ENDOV: variants seen among roughly 807,000 people sequenced by gnomAD.
ENDOV encodes endonuclease V, also known as hEndoV.
In ENDOV, 37 loss-of-function variants were observed where a neutral mutation model predicts 39.4. The ratio of observed to expected loss-of-function variants is 0.94; its 90% CI spans 0.72 to 1.23. The LOEUF (loss-of-function observed/expected upper bound fraction) is 1.23. Among genes scored for constraint, ENDOV ranks in the 50% most tolerant of loss-of-function variants. The pLI, the probability that ENDOV is intolerant of heterozygous loss-of-function variation, is 0.00. For synonymous variants in ENDOV, 186 were observed against 163.4 expected (o/e 1.14, Z -1.05); for missense variants, 441 against 375.7 (o/e 1.17, Z -1.44).
intron 1 of ENDOV, 107 bp from the exon 2 acceptor site, chr17:80,415,543 G>C (rs2080994512): frequency 7.2e-7 from 1 of 1,379,414 alleles, no homozygotes; most frequent in Non-Finnish European, 9.9e-7. Context: ...TTCCCTTGAA[G>C]CGGGAGAAGA....
intron 9 of ENDOV, 104 bp from the exon 10 acceptor site, chr17:80,436,029 A>T: frequency 1.5e-6 from 2 of 1,302,934 alleles, no homozygotes; most frequent in Non-Finnish European, 2.2e-6. Context: ...TGCTGAGATT[A>T]CAGGCGCGAG....
chr17:80,425,577 C>T lies in ENDOV; in HGVS notation c.671C>T (p.Thr224Ile), dbSNP rs1480728094. ...AGCCTGGAGGCCGCTGTGCGCCTGA[C>T]TTGCTGCTGCTGCAGGTTCCGGATC... ...RMSLEAAVRLTCCCCRFRIPE... is the reference protein window; with the variant it reads ...RMSLEAAVRLICCCCRFRIPE... Residue 224 changes from threonine to isoleucine, a missense_variant, in exon 7 of 10, where the codon ACT becomes ATT. Thr to Ile is a moderately conservative substitution (Grantham distance 89, BLOSUM62 -1). Coordinates refer to ENST00000518137, the MANE Select transcript of ENDOV (RefSeq NM_173627.5). 1 of 1,591,686 alleles carries T rather than the reference C, an allele frequency of 6.3e-7. No individual in the cohort carries two copies. The highest frequency in any genetic ancestry group is 1.1e-5 in the South Asian group (1 of 87,826).
At chr17:80,415,285 C>A (rs1419540639) in intron 1 of ENDOV, 35 bp downstream of exon 1, 1 of 1,610,174 alleles carries the variant, frequency 6.2e-7, no homozygotes, top group Non-Finnish European at 8.5e-7. Flanking sequence ...GAGGCGGGGG[C>A]CGAGGCCGGG....
chr17:80,427,752 G>A lies in ENDOV; in HGVS notation c.715-844G>A, dbSNP rs184813764. 5.0e-5 allele frequency: 65 copies of A among 1,289,318 alleles called. No homozygotes were observed. The Middle Eastern group carries it at 1.3e-3, about 25-fold the overall frequency. The allele number at this position is 1,289,318 out of a possible 1,614,324, so 79.9% of individuals were successfully genotyped here. A position where few individuals can be genotyped will look rare whatever the true frequency, so the allele number is the denominator to read the frequency against. ...TCTGCTCTCTCCCTGGCTCCGCGCC[G>A]GGCCGTCTTGGTGGCCCCATGGTCA... On this transcript the variant is annotated intron_variant, in intron 7 of 9. Coordinates refer to ENST00000518137, the MANE Select transcript of ENDOV (RefSeq NM_173627.5).
At chr17:80,423,994 CCT>C (rs984367781) in intron 5 of ENDOV, 33 of 357,654 alleles carry the variant, frequency 9.2e-5, no homozygotes, top group Non-Finnish European at 1.5e-4. Context: ...TGCCCCAGCC[CCT>C]GTCTCCTCCC....
intron 6 of ENDOV, 164 bp from the exon 7 acceptor site, chr17:80,425,328 G>C: frequency 9.1e-7 from 1 of 1,098,252 alleles, no homozygotes; most frequent in Non-Finnish European, 1.3e-6. Flanking sequence ...CAAGCAGCAG[G>C]AAGGCGCCCT....
rs202151662 is a variant in ENDOV at position 80,415,220 on chromosome 17, C to T, written c.26C>T (p.Pro9Leu). Residue 9 changes from proline (P) to leucine (L), a missense_variant, in exon 1 of 10, where the codon CCG becomes CTG. Physicochemically the swap from Pro to Leu is moderately conservative, Grantham distance 98 (BLOSUM62 -3). Transcript: ENST00000518137. MALEAAGG[P>L]PEETLSLWKR... is the part of the protein sequence containing the mutation. ...ATGGCCCTGGAGGCGGCGGGAGGGC[C>T]GCCGGAGGAAACGCTGTCACTGTGG... is the stretch of plus-strand genomic sequence containing the variant. 9.7e-5 allele frequency: 156 copies of T among 1,613,378 alleles called. 2 individuals carry two copies. In the African/African-American group the frequency reaches 1.6e-3, roughly 16 times the overall value.
In ENDOV at chr17:80,423,474, G is replaced by T. The variant is rs140843516; in HGVS notation, c.404-46G>T. 1,473 of 1,449,940 alleles carry T rather than the reference G, an allele frequency of 1.0e-3. 20 individuals carry two copies. The African/African-American group carries it at 0.019, about 18-fold the overall frequency. The allele number at this position is 1,449,940 out of a possible 1,614,324, so 89.8% of individuals were successfully genotyped here. Reference sequence around the variant, plus strand: ...GGCTTGTCCTGAATCCCTGTGCCAGGCCCCAGCCCCACCTCCCCAACCCCA... The same window carrying T: ...GGCTTGTCCTGAATCCCTGTGCCAGTCCCCAGCCCCACCTCCCCAACCCCA... On this transcript the variant is annotated intron_variant, in intron 4 of 9. Coordinates refer to ENST00000518137, the MANE Select transcript of ENDOV (RefSeq NM_173627.5).
Position 80,436,392 on chromosome 17 carries a change from T to C in ENDOV, c.*249T>C. ...GTTTGCAGTCTTTCACCACTAGATG[T>C]GATGTGAGCTGTTAGATTTTCAAGG... On this transcript the variant is annotated 3_prime_UTR_variant, in exon 10 of 10. Coordinates refer to ENST00000518137, the MANE Select transcript of ENDOV (RefSeq NM_173627.5). The C allele has an allele frequency of 7.1e-7, 1 of 1,413,542 alleles. No homozygotes were observed. The highest frequency in any genetic ancestry group is 9.3e-7 in the Non-Finnish European group (1 of 1,071,156). The allele number at this position is 1,413,542 out of a possible 1,614,324, so 87.6% of individuals were successfully genotyped here.
Position 80,430,408 on chromosome 17 carries a change from T to C in ENDOV, c.838+577T>C, listed in dbSNP as rs750612137. The C allele has an allele frequency of 1.3e-5, 19 of 1,483,552 alleles. No homozygotes were observed. The South Asian group carries it at 2.3e-4, about 18-fold the overall frequency. The allele number at this position is 1,483,552 out of a possible 1,614,324, so 91.9% of individuals were successfully genotyped here. A position where few individuals can be genotyped will look rare whatever the true frequency, so the allele number is the denominator to read the frequency against. On this transcript the variant is annotated intron_variant, in intron 9 of 9. Transcript: ENST00000518137. ...GTTTGTTTATTTATTTCCATTGATC[T>C]CTTTACCCTGAGGTTTACTTGCAAA...
chr17:80,436,478 C>A lies in ENDOV; in HGVS notation c.*335C>A. The A allele has an allele frequency of 3.7e-6, 3 of 803,436 alleles. No individual in the cohort carries two copies. Among genetic ancestry groups the A allele is most frequent in the East Asian group, 5.3e-5 (1 of 18,898 alleles). 49.8% of individuals were successfully genotyped at this position (803,436 alleles called of 1,614,324 possible). A position where few individuals can be genotyped will look rare whatever the true frequency, so the allele number is the denominator to read the frequency against. ...TCCTAATTTGTTAAGTGTTTTTATC[C>A]TTAAAGGGTACTGGATTTTGTCAAA... On this transcript the variant is annotated 3_prime_UTR_variant, in exon 10 of 10. Transcript: ENST00000518137.
At chr17:80,433,611 C>T (rs2083451927) in intron 9 of ENDOV, among the ~76,000 whole-genome samples, 1 of 152,226 alleles carries the variant, frequency 6.6e-6, no homozygotes, top group African/African-American at 2.4e-5. Flanking sequence ...CCGGGAGACT[C>T]AGAAGAAATG....
At chr17:80,423,345 A>AC (rs1279036591) in intron 4 of ENDOV, among the ~76,000 whole-genome samples, 175 bp from the exon 5 acceptor site, 8 of 152,270 alleles carry the variant, frequency 5.3e-5, no homozygotes, top group African/African-American at 1.9e-4. Flanking sequence ...GACATCGGGC[A>AC]CAGGGGGCTT....
At position 80,424,930 on chromosome 17, in the gene ENDOV, G is replaced by GGGCAACAGT. The variant is rs1383077889; in HGVS notation, c.517-100_517-92dup. 147 of 969,168 alleles carry GGGCAACAGT rather than the reference G, an allele frequency of 1.5e-4. No individual in the cohort carries two copies. The African/African-American group carries it at 2.2e-3, about 15-fold the overall frequency. The allele number at this position is 969,168 out of a possible 1,614,324, so 60.0% of individuals were successfully genotyped here. On this transcript the variant is annotated intron_variant, in intron 5 of 9. Transcript: ENST00000518137. ...AGATCGCGCCACTGTACTTCAGCCT[G>GGGCAACAGT]GGCAACAGTGCGACACTCCGTCTCA...
intron 8 of ENDOV, 23 bp from the exon 9 acceptor site, chr17:80,429,750 C>T: frequency 6.3e-7 from 1 of 1,591,112 alleles, no homozygotes; most frequent in Non-Finnish European, 8.5e-7. Context: ...CTGATGCTGT[C>T]CCTTTCTCAA....
At chr17:80,416,552 C>T (rs2081214489) in intron 2 of ENDOV, among the ~76,000 whole-genome samples, 1 of 152,178 alleles carries the variant, frequency 6.6e-6, no homozygotes, top group Non-Finnish European at 1.5e-5. Flanking sequence ...GGCTGTGCCA[C>T]CATCACTCCT....
chr17:80,427,259 C>T (rs77202810), intron 7 of ENDOV, among the ~76,000 whole-genome samples: 2,437 of 152,316 alleles, frequency 0.016, 65 homozygotes, highest in African/African-American at 0.055. Context: ...TGTGGTCTTC[C>T]GAGAGAGAAC....
intron 7 of ENDOV, chr17:80,427,301 A>G (rs1346267608): frequency 4.6e-6 from 2 of 436,334 alleles, no homozygotes; most frequent in Non-Finnish European, 6.1e-6. Flanking sequence ...CTTCAGCCAC[A>G]GGAACTTTAG....
At chr17:80,419,746 C>T in intron 2 of ENDOV, 1 of 690,056 alleles carries the variant, frequency 1.4e-6, no homozygotes, top group Non-Finnish European at 2.7e-6. Flanking sequence ...GTCATGCCCT[C>T]CGTTCACACA....
Sources: allele counts gnomAD v4.1 joint callset (sites outside exome capture counted in the v4.1 genomes callset), GRCh38; gene constraint gnomAD v4.1.1; transcripts MANE v1.5; gene names NCBI Gene and HGNC (gene_info 2026-07-23, HGNC 2026-07-21).